Variants in ZFPM1 observed in about 807,000 individuals in gnomAD.
ZFPM1 encodes the protein zinc finger protein ZFPM1.
In ZFPM1, 28 loss-of-function variants were observed where a neutral mutation model predicts 46.3. The observed-to-expected ratio is 0.60, with a 90% CI of 0.45 to 0.83. ZFPM1 has a LOEUF of 0.83. ZFPM1 is among the 40% of genes least tolerant of loss of function. ZFPM1 has a pLI of 0.00. For missense variants in ZFPM1, 1,878 were observed against 1,432.4 expected (o/e 1.31, Z -5.02); for synonymous variants, 957 against 675.9 (o/e 1.42, Z -6.45).
chr16:88,456,408 T>A (rs1907563740), intron 1 of ZFPM1, among the ~76,000 whole-genome samples: 2 of 150,400 alleles, frequency 1.3e-5, no homozygotes, highest in Non-Finnish European at 1.5e-5. Flanking sequence ...AAAAAAAAAA[T>A]CAAGGTGGTT....
In ZFPM1 at chr16:88,533,336, A is replaced by T. The variant is rs763479421; in HGVS notation, c.1378A>T (p.Arg460Trp). The change falls in exon 10 of 10, where the codon AGG (arginine) becomes TGG (tryptophan). Residue 460 changes from arginine to tryptophan, a missense_variant. Arg to Trp is a moderately radical substitution (Grantham distance 101). Coordinates refer to ENST00000319555, the MANE Select transcript of ZFPM1 (RefSeq NM_153813.3). ...CAGCAGCGAGCCCCCGGCGGCCCCC[A>T]GGAGCATCAAGGTGGAGGCGGTGGA... The part of the protein sequence containing the change: ...GGSSEPPAAP[R>W]SIKVEAVEEP... The T allele has an allele frequency of 3.1e-5, 47 of 1,532,482 alleles. No homozygotes were observed. The highest frequency in any genetic ancestry group is 1.8e-4 in the Middle Eastern group (1 of 5,682). 94.9% of individuals were successfully genotyped at this position (1,532,482 alleles called of 1,614,324 possible). A position where few individuals can be genotyped will look rare whatever the true frequency, so the allele number is the denominator to read the frequency against.
At chr16:88,461,889 A>C (rs1907908666) in intron 1 of ZFPM1, among the ~76,000 whole-genome samples, 1 of 152,134 alleles carries the variant, frequency 6.6e-6, no homozygotes, top group African/African-American at 2.4e-5. Context: ...GAGGCCCTGG[A>C]GGCGTGACAT....
Position 88,469,757 on chromosome 16 carries a change from G to A in ZFPM1, c.40+16079G>A, listed in dbSNP as rs1242849799. On this transcript the variant is annotated intron_variant, in intron 1 of 9. Transcript: ENST00000319555. This position sits in a 1 kb window ranked among gnomAD's most constrained non-coding sequence, Gnocchi z 4.3. The stretch of plus-strand genomic sequence containing the variant: ...TGTAAGTGGAAAATAGTGGCGGGGC[G>A]AGGAGAGAAAGAGTCTGGGCTGAGA... Among the ~76,000 whole-genome samples, 5 of 152,092 alleles carry A rather than the reference G, an allele frequency of 3.3e-5. No individual in the cohort carries two copies. The highest frequency in any genetic ancestry group is 4.8e-5 in the African/African-American group (2 of 41,410).
chr16:88,534,260 T>C lies in ZFPM1; in HGVS notation c.2302T>C (p.Ser768Pro), dbSNP rs1257780143. The C allele has an allele frequency of 4.8e-6, 5 of 1,051,238 alleles. No individual in the cohort carries two copies. The highest frequency in any genetic ancestry group is 5.7e-6 in the Non-Finnish European group (5 of 883,062). 65.1% of individuals were successfully genotyped at this position (1,051,238 alleles called of 1,614,324 possible). The change falls in exon 10 of 10, where the codon TCG becomes CCG. Residue 768 changes from serine to proline, a missense_variant. By Grantham distance (74) the Ser-to-Pro change is moderately conservative (BLOSUM62 -1). Transcript: ENST00000319555. Reference protein sequence around the residue: ...PPPGHAPAPESPRPGSGSGSG... With the variant: ...PPPGHAPAPEPPRPGSGSGSG... ...GCCCGGCCACGCCCCCGCGCCCGAG[T>C]CGCCGCGGCCCGGAAGCGGAAGCGG...
chr16:88,524,247 G>A (rs1041819269), intron 4 of ZFPM1, among the ~76,000 whole-genome samples: 10 of 152,280 alleles, frequency 6.6e-5, no homozygotes, highest in South Asian at 4.1e-4. Flanking sequence ...CAGCCTCGCC[G>A]AGCGCTGCCC....
At chr16:88,504,115 G>C (rs192802069) in intron 3 of ZFPM1, among the ~76,000 whole-genome samples, 113 of 152,082 alleles carry the variant, frequency 7.4e-4, no homozygotes, top group Non-Finnish European at 1.3e-3. Flanking sequence ...CATTTATGAA[G>C]CACAGACAGA....
At chr16:88,491,661 C>A (rs1024382178) in intron 3 of ZFPM1, among the ~76,000 whole-genome samples, 3 of 152,224 alleles carry the variant, frequency 2.0e-5, no homozygotes, top group Admixed American at 2.0e-4. Context: ...AAGGGCCGGG[C>A]CCCTGAGGCC....
chr16:88,520,781 ATGGATGGATGAATAGATGGATGGGTGGG>A (rs1911804654), intron 4 of ZFPM1, among the ~76,000 whole-genome samples: 1 of 81,448 alleles, frequency 1.2e-5, no homozygotes, highest in African/African-American at 5.0e-5. Flanking sequence ...GATTGGGTGG[ATGGATGGATGAATAGATGGATGGGTGGG>A]TGGATGGATG....
intron 5 of ZFPM1, among the ~76,000 whole-genome samples, chr16:88,527,517 G>A (rs916832918): frequency 7.2e-5 from 11 of 152,112 alleles, no homozygotes; most frequent in Non-Finnish European, 1.0e-4. Flanking sequence ...GCTGTGGTGC[G>A]CGTGAGCGGG....
intron 4 of ZFPM1, among the ~76,000 whole-genome samples, chr16:88,522,941 C>T (rs1382170053): frequency 6.6e-6 from 1 of 151,848 alleles, no homozygotes; most frequent in East Asian, 1.9e-4. Flanking sequence ...CGCGGTGGTT[C>T]ACGCCTGTAA....
At chr16:88,456,958 CT>C (rs1170304044) in intron 1 of ZFPM1, among the ~76,000 whole-genome samples, 1 of 152,236 alleles carries the variant, frequency 6.6e-6, no homozygotes, top group Non-Finnish European at 1.5e-5. Flanking sequence ...TGAGCCCCTC[CT>C]ATTCCAGCCC....
intron 5 of ZFPM1, among the ~76,000 whole-genome samples, 178 bp downstream of exon 5, chr16:88,527,094 C>G (rs1298939975): frequency 1.3e-5 from 2 of 152,114 alleles, no homozygotes; most frequent in Admixed American, 6.5e-5. Flanking sequence ...CCAGTCAGCC[C>G]AGACCATGAG....
intron 4 of ZFPM1, among the ~76,000 whole-genome samples, chr16:88,526,201 C>T (rs918785934): frequency 6.6e-6 from 1 of 152,202 alleles, no homozygotes; most frequent in South Asian, 2.1e-4. Context: ...CGGGAGCGAG[C>T]GGGAACGCAG....
At position 88,534,726 on chromosome 16, in the gene ZFPM1, C is replaced by T; in HGVS notation, c.2768C>T (p.Pro923Leu). Residue 923 changes from proline (P) to leucine (L), a missense_variant, in exon 10 of 10, where the codon CCG becomes CTG. Physicochemically the swap from Pro to Leu is moderately conservative, Grantham distance 98. Transcript: ENST00000319555. ...GSRGPRDGLGPEPQEPPPGPP... is the reference protein window; with the variant it reads ...GSRGPRDGLGLEPQEPPPGPP... ...CGTGGCCCCCGGGACGGCCTCGGCC[C>T]GGAGCCCCAGGAGCCGCCGCCCGGC... 2.0e-6 allele frequency: 2 copies of T among 984,204 alleles called. No individual in the cohort carries two copies. Among genetic ancestry groups the T allele is most frequent in the Middle Eastern group, 5.2e-4 (1 of 1,934 alleles). 61.0% of individuals were successfully genotyped at this position (984,204 alleles called of 1,614,324 possible).
At chr16:88,475,518 G>A (rs181686509) in intron 1 of ZFPM1, among the ~76,000 whole-genome samples, 4 of 151,928 alleles carry the variant, frequency 2.6e-5, no homozygotes, top group Non-Finnish European at 5.9e-5. Flanking sequence ...GGGTCCGGGG[G>A]GGGGAGCACA....
chr16:88,526,465 AC>A (rs1912330469), intron 4 of ZFPM1, among the ~76,000 whole-genome samples: 1 of 152,104 alleles, frequency 6.6e-6, no homozygotes. Context: ...AGATACGCAG[AC>A]CCGGGTGTGA....
chr16:88,486,894 A>G (rs1909263849), intron 2 of ZFPM1, among the ~76,000 whole-genome samples: 1 of 152,130 alleles, frequency 6.6e-6, no homozygotes, highest in Admixed American at 6.5e-5. Flanking sequence ...CTAAGACACC[A>G]CACCCCATTC....
chr16:88,533,047 C>A (rs1210654463), intron 9 of ZFPM1, 101 bp from the exon 10 acceptor site: 3 of 1,485,934 alleles, frequency 2.0e-6, no homozygotes, highest in Non-Finnish European at 2.7e-6. Context: ...TCGCTCTAAA[C>A]CACTCCCGCC....
At position 88,534,351 on chromosome 16, in the gene ZFPM1, G is replaced by A; in HGVS notation, c.2393G>A (p.Ser798Asn). ...GPAADGPIDLSKKPRRPLPGA... is the reference protein window; with the variant it reads ...GPAADGPIDLNKKPRRPLPGA... ...GCGGCCGACGGCCCCATCGACCTGAGCAAGAAGCCGCGGCGCCCGCTCCCC... is the reference window on the plus strand; with the variant it reads ...GCGGCCGACGGCCCCATCGACCTGAACAAGAAGCCGCGGCGCCCGCTCCCC... Residue 798 changes from serine (S) to asparagine (N), a missense_variant, in exon 10 of 10, where the codon AGC becomes AAC. Coordinates refer to ENST00000319555, the MANE Select transcript of ZFPM1 (RefSeq NM_153813.3). The A allele has an allele frequency of 2.1e-6, 3 of 1,417,686 alleles. No homozygotes were observed. Among genetic ancestry groups the A allele is most frequent in the Non-Finnish European group, 2.8e-6 (3 of 1,088,744 alleles). 87.8% of individuals were successfully genotyped at this position (1,417,686 alleles called of 1,614,324 possible). A position where few individuals can be genotyped will look rare whatever the true frequency, so the allele number is the denominator to read the frequency against.
Sources: allele counts gnomAD v4.1 joint callset (sites outside exome capture counted in the v4.1 genomes callset), GRCh38; gene constraint gnomAD v4.1.1; non-coding constraint Gnocchi (gnomAD v3.1); transcripts MANE v1.5; gene names NCBI Gene and HGNC (gene_info 2026-07-23, HGNC 2026-07-21).